The following DPP6 variants were observed in gnomAD, a reference collection of about 807,000 sequenced individuals.
The protein encoded by DPP6 is dipeptidyl peptidase like 6.
DPP6 carries 69 observed loss-of-function variants against 122.6 expected under a neutral mutation model. That is an observed-to-expected ratio of 0.56 (90% CI 0.46 to 0.69). The LOEUF is 0.69. Ranked by LOEUF, DPP6 falls within the 30% of genes least tolerant of loss-of-function variation. The probability of loss-of-function intolerance (pLI) is 0.00; values close to 1 mark genes in which losing one functional copy is unlikely to be tolerated. For missense variants in DPP6, 928 were observed against 1,116.9 expected (o/e 0.83, Z 2.41); for synonymous variants, 418 against 433.1 (o/e 0.97, Z 0.43).
At chr7:154,359,630 C>G (rs1811560789) in intron 1 of DPP6, among the ~76,000 whole-genome samples, 2 of 152,120 alleles carry the variant, frequency 1.3e-5, no homozygotes, top group Non-Finnish European at 2.9e-5. Flanking sequence ...TTGTTTCCAC[C>G]AAGATACTTA....
At chr7:154,318,105 C>T (rs983493822) in intron 1 of DPP6, among the ~76,000 whole-genome samples, 5 of 152,178 alleles carry the variant, frequency 3.3e-5, no homozygotes, top group Admixed American at 1.3e-4. Flanking sequence ...TTCCTAATTA[C>T]ACTGGAGATT....
chr7:154,468,205 T>A (rs982724169), intron 2 of DPP6, among the ~76,000 whole-genome samples: 7 of 152,188 alleles, frequency 4.6e-5, no homozygotes, highest in African/African-American at 1.7e-4. Context: ...AATAAGCCAG[T>A]CACAACAAAA....
chr7:154,875,179 A>G lies in DPP6; in HGVS notation c.1884-727A>G. Among the ~76,000 whole-genome samples, 1 of 151,986 alleles carries G rather than the reference A, an allele frequency of 6.6e-6. No homozygotes were observed. The highest frequency in any genetic ancestry group is 1.9e-4 in the East Asian group (1 of 5,180). On this transcript the variant is annotated intron_variant, in intron 19 of 25. Transcript: ENST00000377770. The surrounding 1 kb of genome is among the most constrained non-coding windows in gnomAD (Gnocchi z 4.5). Reference sequence around the variant, plus strand: ...AAGGAGGGGAGGGAGGGAGGAAGGGAGGGAACAGCCCTGTTTGAGGAAAAA... The same window carrying G: ...AAGGAGGGGAGGGAGGGAGGAAGGGGGGGAACAGCCCTGTTTGAGGAAAAA...
chr7:154,362,542 G>A (rs1275607961), intron 1 of DPP6, among the ~76,000 whole-genome samples: 1 of 151,630 alleles, frequency 6.6e-6, no homozygotes, highest in African/African-American at 2.4e-5. Context: ...AGCATCCTGA[G>A]TAGCTGGGAT....
At position 154,885,745 on chromosome 7, in the gene DPP6, G is replaced by A. The variant is rs1164747051; in HGVS notation, c.2245+1G>A. Reference sequence around the variant, plus strand: ...CCAATAACAGACTTCAAACTCTATGGTAAATAGCCCTGCAGGACCAAGCGA... The same window carrying A: ...CCAATAACAGACTTCAAACTCTATGATAAATAGCCCTGCAGGACCAAGCGA... On this transcript the variant is annotated splice_donor_variant, in intron 22 of 25. Coordinates refer to ENST00000377770, the MANE Select transcript of DPP6 (RefSeq NM_130797.4). LOFTEE classifies it high-confidence loss of function. The A allele has an allele frequency of 6.3e-7, 1 of 1,586,468 alleles. No individual in the cohort carries two copies. Among genetic ancestry groups the A allele is most frequent in the Non-Finnish European group, 8.6e-7 (1 of 1,166,350 alleles).
intron 1 of DPP6, among the ~76,000 whole-genome samples, chr7:153,952,079 A>G (rs1414552395): frequency 6.6e-6 from 1 of 152,152 alleles, no homozygotes; most frequent in African/African-American, 2.4e-5. Flanking sequence ...TACTGAATGA[A>G]TCTCATTAAC....
At chr7:154,473,687 C>A (rs1484611242) in intron 2 of DPP6, among the ~76,000 whole-genome samples, 1 of 152,090 alleles carries the variant, frequency 6.6e-6, no homozygotes, top group African/African-American at 2.4e-5. Flanking sequence ...TTTTTCTAAC[C>A]TGCCACAGAG....
intron 1 of DPP6, among the ~76,000 whole-genome samples, chr7:154,174,369 T>C (rs1249234721): frequency 1.3e-5 from 2 of 152,254 alleles, no homozygotes; most frequent in African/African-American, 2.4e-5. Flanking sequence ...GAATTTACCA[T>C]GTTAACTGTT....
At chr7:154,808,881 G>C (rs1587209500) in intron 16 of DPP6, among the ~76,000 whole-genome samples, 1 of 152,106 alleles carries the variant, frequency 6.6e-6, no homozygotes, top group African/African-American at 2.4e-5. Flanking sequence ...AATTGAAGTA[G>C]ATTTCAAGAA....
At chr7:154,307,064 C>T (rs568230114) in intron 1 of DPP6, among the ~76,000 whole-genome samples, 4 of 152,220 alleles carry the variant, frequency 2.6e-5, no homozygotes, top group South Asian at 4.1e-4. Context: ...GTAATAATTA[C>T]GAAAGAGTGC....
At chr7:154,290,217 A>G (rs1805116017) in intron 1 of DPP6, among the ~76,000 whole-genome samples, 1 of 152,152 alleles carries the variant, frequency 6.6e-6, no homozygotes, top group African/African-American at 2.4e-5. Flanking sequence ...AAATGATCAA[A>G]TTGTAATTGG....
rs1563249157 is a variant in DPP6 at position 154,821,653 on chromosome 7, T to TTATATATATACAC, written c.1666+14541_1666+14542insTATATATATACAC. Among the ~76,000 whole-genome samples the TTATATATATACAC allele has an allele frequency of 5.8e-3, 619 of 107,068 alleles. 3 individuals carry two copies. The highest frequency in any genetic ancestry group is 0.012 in the Admixed American group (135 of 11,714). The allele number at this position is 107,068 out of a possible 152,430, so 70.2% of individuals were successfully genotyped here. A position where few individuals can be genotyped will look rare whatever the true frequency, so the allele number is the denominator to read the frequency against. Reference sequence around the variant, plus strand: ...GTATATATATATATATATACACATATATATATATATACACATATATATATA... The same window carrying TTATATATATACAC: ...GTATATATATATATATATACACATATTATATATATACACATATATATATACACATATATATATA... On this transcript the variant is annotated intron_variant, in intron 16 of 25. Transcript: ENST00000377770. The surrounding 1 kb of genome is among the most constrained non-coding windows in gnomAD (Gnocchi z 4.2).
At position 154,769,380 on chromosome 7, in the gene DPP6, G is replaced by A. The variant is rs555272096; in HGVS notation, c.884-37G>A. The A allele has an allele frequency of 1.9e-6, 3 of 1,610,848 alleles. No individual in the cohort carries two copies. The East Asian group carries it at 6.7e-5, about 36-fold the overall frequency. On this transcript the variant is annotated intron_variant, in intron 8 of 25. Transcript: ENST00000377770. ...GTGCAGCTCCAATTTCCACTCACTT[G>A]TTACTATTCACATTTCTCTACTCTG...
intron 1 of DPP6, among the ~76,000 whole-genome samples, chr7:153,908,842 C>T (rs920991942): frequency 5.3e-5 from 8 of 152,186 alleles, no homozygotes; most frequent in African/African-American, 1.9e-4. Context: ...CAACCTCCGC[C>T]TCCCAGATTC....
intron 1 of DPP6, among the ~76,000 whole-genome samples, chr7:154,149,147 C>T (rs1796277483): frequency 2.6e-5 from 4 of 152,376 alleles, no homozygotes; most frequent in Admixed American, 2.6e-4. Flanking sequence ...AGCTGCACCG[C>T]ATCAGCAGAA....
chr7:153,957,035 G>A (rs796625437), intron 1 of DPP6, among the ~76,000 whole-genome samples: 34 of 152,224 alleles, frequency 2.2e-4, no homozygotes, highest in African/African-American at 6.3e-4. Flanking sequence ...TCGGAAAAGT[G>A]TGTTTGTAAA....
intron 1 of DPP6, among the ~76,000 whole-genome samples, chr7:154,432,371 A>G (rs146880433): frequency 2.0e-5 from 3 of 152,138 alleles, no homozygotes; most frequent in Non-Finnish European, 2.9e-5. Context: ...AATAGTCACA[A>G]TTAATCAGTA....
intron 1 of DPP6, among the ~76,000 whole-genome samples, chr7:154,073,350 T>C (rs1172732037): frequency 1.6e-4 from 25 of 152,212 alleles, no homozygotes; most frequent in Non-Finnish European, 3.7e-4. Flanking sequence ...CCTTCTTCTC[T>C]AAATCTGTGC....
chr7:154,284,593 G>A (rs116356691), intron 1 of DPP6, among the ~76,000 whole-genome samples: 4,291 of 152,330 alleles, frequency 0.028, 197 homozygotes, highest in African/African-American at 0.098. Context: ...GTTGGCTTAC[G>A]CCCGTAATCC....
Sources: allele counts gnomAD v4.1 joint callset (sites outside exome capture counted in the v4.1 genomes callset), GRCh38; gene constraint gnomAD v4.1.1; non-coding constraint Gnocchi (gnomAD v3.1); transcripts MANE v1.5; gene names NCBI Gene and HGNC (gene_info 2026-07-23, HGNC 2026-07-21).